Variants in CCDC150 observed in about 807,000 individuals in gnomAD.
CCDC150 encodes coiled-coil domain containing 150.
CCDC150 carries 151 observed loss-of-function variants against 156.5 expected under a neutral mutation model. The observed-to-expected ratio is 0.97, with a 90% CI of 0.85 to 1.10. The LOEUF (loss-of-function observed/expected upper bound fraction) is 1.10. Among genes scored for constraint, CCDC150 ranks in the 50% least tolerant of loss-of-function variants. The pLI is 0.00. For synonymous variants in CCDC150, 452 were observed against 429.4 expected, an observed-to-expected ratio of 1.05 and a Z score of -0.65; for missense variants, 1,312 against 1,268.1, an observed-to-expected ratio of 1.03 and a Z score of -0.53.
At chr2:196,693,907 T>C (rs1328676333) in intron 13 of CCDC150, among the ~76,000 whole-genome samples, 1 of 152,176 alleles carries the variant, frequency 6.6e-6, no homozygotes. Flanking sequence ...ATGGGTTTTC[T>C]TCTATAGTCT....
At chr2:196,731,527 TAGCTGGGCATGGTGGTGCACCATGCCC>T in intron 26 of CCDC150, among the ~76,000 whole-genome samples, 1 of 151,280 alleles carries the variant, frequency 6.6e-6, no homozygotes, top group East Asian at 2.0e-4. Context: ...AGTAGCCAAG[TAGCTGGGCATGGTGGTGCACCATGCCC>T]AGCTAATTTT....
Position 196,646,385 on chromosome 2 carries a change from C to T in CCDC150, c.57C>T (p.Thr19=), listed in dbSNP as rs776913567. ...TTVSRPVLSP[T]HINATASETF... Reference sequence around the variant, plus strand: ...TGTCCAGACCGGTCCTTTCTCCAACCCACATCAACGCTACAGCTTCTGAAA... The same window carrying T: ...TGTCCAGACCGGTCCTTTCTCCAACTCACATCAACGCTACAGCTTCTGAAA... Residue 19 remains threonine (T), a synonymous_variant, in exon 2 of 28, where the codon ACC becomes ACT. Coordinates refer to ENST00000389175, the MANE Select transcript of CCDC150 (RefSeq NM_001080539.2). 2 of 1,613,812 alleles carry T rather than the reference C, an allele frequency of 1.2e-6. No homozygotes were observed. Among genetic ancestry groups the T allele is most frequent in the African/African-American group, 1.3e-5 (1 of 75,020 alleles).
At chr2:196,719,941 G>A (rs1383170644) in intron 19 of CCDC150, among the ~76,000 whole-genome samples, 1 of 152,074 alleles carries the variant, frequency 6.6e-6, no homozygotes, top group African/African-American at 2.4e-5. Context: ...TTTTACCCTT[G>A]CTTTCTGCAC....
intron 15 of CCDC150, among the ~76,000 whole-genome samples, chr2:196,703,199 C>T (rs907331567): frequency 3.9e-5 from 6 of 152,094 alleles, no homozygotes; most frequent in East Asian, 1.9e-4. Flanking sequence ...AGAAGCTTGC[C>T]GAACACATCA....
intron 8 of CCDC150, among the ~76,000 whole-genome samples, chr2:196,670,344 T>G (rs1241037425): frequency 6.6e-6 from 1 of 152,180 alleles, no homozygotes; most frequent in African/African-American, 2.4e-5. Flanking sequence ...GTGTCGATTC[T>G]ACTTCTTTTG....
chr2:196,650,657 G>T (rs1394078546), intron 2 of CCDC150, among the ~76,000 whole-genome samples: 1 of 152,174 alleles, frequency 6.6e-6, no homozygotes, highest in African/African-American at 2.4e-5. Flanking sequence ...CTCCCAAAGT[G>T]CTGGGATTAC....
chr2:196,720,188 GGTCTGA>G (rs1199823342), intron 19 of CCDC150: 3 of 381,250 alleles, frequency 7.9e-6, no homozygotes, highest in Non-Finnish European at 1.6e-5. Context: ...AAGAATAAAT[GGTCTGA>G]GTTTAATAGG....
In CCDC150 at chr2:196,677,155, T is replaced by C. The variant is rs1414662493; in HGVS notation, c.1441-138T>C. 4.2e-6 allele frequency: 3 copies of C among 722,308 alleles called. No individual in the cohort carries two copies. In the African/African-American group the frequency reaches 5.2e-5, roughly 13 times the overall value. The allele number at this position is 722,308 out of a possible 1,614,324, so 44.7% of individuals were successfully genotyped here. Reference sequence around the variant, plus strand: ...CTGCTCTGCCTCAGAGACTCCCTGATTGGCCCCTTTTCTGAGAGGATGTGC... The same window carrying C: ...CTGCTCTGCCTCAGAGACTCCCTGACTGGCCCCTTTTCTGAGAGGATGTGC... On this transcript the variant is annotated intron_variant, in intron 12 of 27. Coordinates refer to ENST00000389175, the MANE Select transcript of CCDC150 (RefSeq NM_001080539.2).
At chr2:196,732,252 A>G in intron 27 of CCDC150, 100 bp downstream of exon 27, 2 of 1,389,462 alleles carry the variant, frequency 1.4e-6, no homozygotes, top group Non-Finnish European at 2.0e-6. Flanking sequence ...TCTCTCTTTT[A>G]ATCTTTAGTT....
chr2:196,720,256 TTTACA>T (rs1445294260), intron 19 of CCDC150: 1 of 323,224 alleles, frequency 3.1e-6, no homozygotes, highest in African/African-American at 2.2e-5. Flanking sequence ...TTTCTCTTTT[TTTACA>T]TTACATATTG....
At chr2:196,681,450 A>G (rs1026777186) in intron 13 of CCDC150, among the ~76,000 whole-genome samples, 2 of 152,170 alleles carry the variant, frequency 1.3e-5, no homozygotes, top group Non-Finnish European at 2.9e-5. Context: ...CTGTATATAC[A>G]TATATTTCAG....
intron 4 of CCDC150, 30 bp downstream of exon 4, chr2:196,657,166 C>G: frequency 6.2e-7 from 1 of 1,609,040 alleles, no homozygotes. Context: ...GAAGTATAAA[C>G]ACACTGTTAT....
chr2:196,724,508 A>G (rs1231921046), intron 21 of CCDC150, among the ~76,000 whole-genome samples: 1 of 152,172 alleles, frequency 6.6e-6, no homozygotes, highest in Non-Finnish European at 1.5e-5. Context: ...AGGACTTCAC[A>G]TGCATTATTT....
chr2:196,680,585 G>A (rs1694758438), intron 13 of CCDC150, among the ~76,000 whole-genome samples: 1 of 152,206 alleles, frequency 6.6e-6, no homozygotes, highest in African/African-American at 2.4e-5. Flanking sequence ...GATTACAGGC[G>A]TGAGCCACCA....
At chr2:196,658,061 A>AT (rs1243787477) in intron 4 of CCDC150, among the ~76,000 whole-genome samples, 3 of 152,196 alleles carry the variant, frequency 2.0e-5, no homozygotes, top group Non-Finnish European at 4.4e-5. Flanking sequence ...GTGGGGAGCG[A>AT]TTGAGATTTT....
At chr2:196,708,131 G>A (rs542399632) in intron 15 of CCDC150, among the ~76,000 whole-genome samples, 2 of 152,246 alleles carry the variant, frequency 1.3e-5, no homozygotes, top group African/African-American at 4.8e-5. Flanking sequence ...CTATTATTGT[G>A]TGGGAGTCTA....
At chr2:196,705,909 A>C (rs1443002643) in intron 15 of CCDC150, among the ~76,000 whole-genome samples, 1 of 152,176 alleles carries the variant, frequency 6.6e-6, no homozygotes, top group Non-Finnish European at 1.5e-5. Flanking sequence ...CCATTGGTCT[A>C]TATATCTGTT....
Position 196,732,046 on chromosome 2 carries a change from T to G in CCDC150, c.3083T>G (p.Leu1028Arg). The G allele has an allele frequency of 6.2e-7, 1 of 1,613,822 alleles. No homozygotes were observed. The highest frequency in any genetic ancestry group is 8.5e-7 in the Non-Finnish European group (1 of 1,179,772). The change falls in exon 27 of 28, where the codon CTG becomes CGG. Residue 1028 changes from leucine to arginine, a missense_variant. Leu to Arg is a moderately radical substitution (Grantham distance 102). Transcript: ENST00000389175. Reference protein sequence around the residue: ...SVESEQITANLEEAHRWFKHR... With the variant: ...SVESEQITANREEAHRWFKHR... ...TTATATGTTCAGATAACAGCTAATC[T>G]GGAAGAAGCTCATCGCTGGTTTAAG... is the stretch of plus-strand genomic sequence containing the variant.
chr2:196,702,378 A>T (rs902797314), intron 15 of CCDC150, among the ~76,000 whole-genome samples: 283 of 55,858 alleles, frequency 5.1e-3, no homozygotes, highest in East Asian at 0.01. Flanking sequence ...TGTGTGTGTG[A>T]GATGAGGTCT....
Sources: gnomAD v4.1 joint callset for allele counts (sites outside exome capture counted in the v4.1 genomes callset) on GRCh38, gnomAD v4.1.1 for gene constraint, MANE v1.5 for transcripts, NCBI Gene and HGNC (gene_info 2026-07-23, HGNC 2026-07-21) for gene names.